Variants in CCSER1 observed in about 807,000 individuals in gnomAD.
CCSER1 encodes coiled-coil serine rich protein 1, also known as serine-rich coiled-coil domain-containing protein 1.
CCSER1 carries 41 observed loss-of-function variants against 82.0 expected under a neutral mutation model. That is an observed-to-expected ratio of 0.50 (90% CI 0.39 to 0.65). The LOEUF (loss-of-function observed/expected upper bound fraction) is 0.65, where lower values mean the gene tolerates loss of function less well. CCSER1 is among the 30% of genes least tolerant of loss of function. The pLI is 0.00. For missense variants in CCSER1, 1,119 were observed against 1,064.2 expected (o/e 1.05, Z -0.72); for synonymous variants, 414 against 383.9 (o/e 1.08, Z -0.92).
At chr4:90,234,155 A>T (rs535488752) in intron 1 of CCSER1, among the ~76,000 whole-genome samples, 40 of 152,006 alleles carry the variant, frequency 2.6e-4, no homozygotes, top group African/African-American at 9.6e-4. Context: ...GGGCAAAAAT[A>T]ATTGCTGAAA....
intron 5 of CCSER1, among the ~76,000 whole-genome samples, chr4:90,586,521 AT>A (rs1217687307): frequency 1.8e-4 from 27 of 152,322 alleles, no homozygotes; most frequent in African/African-American, 6.5e-4. Context: ...TCAAAGGATT[AT>A]TAAAAGTACT....
intron 10 of CCSER1, among the ~76,000 whole-genome samples, chr4:91,166,143 G>A (rs1209235857): frequency 2.0e-5 from 3 of 152,152 alleles, no homozygotes; most frequent in Non-Finnish European, 2.9e-5. Flanking sequence ...CAGAAGTGAG[G>A]CAATCTTTAA....
At chr4:90,410,605 G>A (rs1049809972) in intron 4 of CCSER1, among the ~76,000 whole-genome samples, 2 of 152,066 alleles carry the variant, frequency 1.3e-5, no homozygotes, top group African/African-American at 2.4e-5. Flanking sequence ...CAACATACGA[G>A]CATCTCTGGG....
At chr4:91,052,866 A>T (rs1743126030) in intron 9 of CCSER1, among the ~76,000 whole-genome samples, 1 of 152,132 alleles carries the variant, frequency 6.6e-6, no homozygotes, top group Non-Finnish European at 1.5e-5. Context: ...TTACATCTTT[A>T]TGTAGGGCAT....
intron 10 of CCSER1, among the ~76,000 whole-genome samples, chr4:91,176,044 C>T (rs1581711075): frequency 6.6e-6 from 1 of 152,214 alleles, no homozygotes; most frequent in African/African-American, 2.4e-5. Flanking sequence ...CTACATATGG[C>T]TAGCCAGTTT....
chr4:90,613,623 A>G (rs1212134316), intron 5 of CCSER1, among the ~76,000 whole-genome samples: 2 of 152,154 alleles, frequency 1.3e-5, no homozygotes, highest in African/African-American at 2.4e-5. Flanking sequence ...GCCTAAATTC[A>G]TCAGAAGAAT....
At chr4:90,989,691 T>C (rs926312119) in intron 9 of CCSER1, among the ~76,000 whole-genome samples, 13 of 151,808 alleles carry the variant, frequency 8.6e-5, no homozygotes, top group African/African-American at 3.1e-4. Context: ...ATGGAGATGT[T>C]TCCCATTCTG....
chr4:90,609,115 A>G (rs1438282504), intron 5 of CCSER1, among the ~76,000 whole-genome samples: 1 of 152,146 alleles, frequency 6.6e-6, no homozygotes, highest in South Asian at 2.1e-4. Flanking sequence ...GCAATTGACC[A>G]TAATAGAAGT....
intron 6 of CCSER1, among the ~76,000 whole-genome samples, chr4:90,692,388 C>T (rs1371594956): frequency 2.0e-5 from 3 of 151,784 alleles, no homozygotes; most frequent in Non-Finnish European, 2.9e-5. Context: ...CCCGTTTCAC[C>T]TCATGGTTTC....
intron 5 of CCSER1, among the ~76,000 whole-genome samples, chr4:90,481,694 G>C (rs978580507): frequency 3.9e-5 from 6 of 152,106 alleles, no homozygotes; most frequent in African/African-American, 7.2e-5. Flanking sequence ...GTATGTTGAA[G>C]CAGCCTTGCA....
At chr4:91,555,498 G>T (rs373390860) in intron 10 of CCSER1, among the ~76,000 whole-genome samples, 1 of 150,944 alleles carries the variant, frequency 6.6e-6, no homozygotes, top group African/African-American at 2.4e-5. Flanking sequence ...CTGATTAGTT[G>T]TATTAATTAT....
intron 10 of CCSER1, among the ~76,000 whole-genome samples, chr4:91,402,443 G>T (rs1315301844): frequency 1.3e-5 from 2 of 151,974 alleles, no homozygotes. Context: ...TGTTGCTTTT[G>T]GTATTTTAGA....
At chr4:90,715,818 A>AT (rs1561003510) in intron 6 of CCSER1, among the ~76,000 whole-genome samples, 1 of 152,036 alleles carries the variant, frequency 6.6e-6, no homozygotes, top group African/African-American at 2.4e-5. Context: ...TTACATTTGA[A>AT]TGTATCTTTC....
intron 1 of CCSER1, among the ~76,000 whole-genome samples, chr4:90,288,007 T>G (rs1392984346): frequency 6.6e-6 from 1 of 151,864 alleles, no homozygotes; most frequent in Non-Finnish European, 1.5e-5. Flanking sequence ...TTTCTTTCTC[T>G]CATCCCTCTA....
chr4:91,094,582 C>G (rs573725477), intron 10 of CCSER1, among the ~76,000 whole-genome samples: 1 of 152,258 alleles, frequency 6.6e-6, no homozygotes, highest in South Asian at 2.1e-4. Flanking sequence ...CAAAAGCTTT[C>G]AAGCATGTAA....
intron 3 of CCSER1, among the ~76,000 whole-genome samples, chr4:90,324,301 T>C (rs982848311): frequency 3.3e-5 from 5 of 151,616 alleles, no homozygotes; most frequent in Admixed American, 3.3e-4. Context: ...GTCAAAGTGT[T>C]CCTATTTCTC....
At chr4:91,471,644 G>A (rs1244482806) in intron 10 of CCSER1, among the ~76,000 whole-genome samples, 1 of 152,114 alleles carries the variant, frequency 6.6e-6, no homozygotes, top group East Asian at 1.9e-4. Context: ...ACTGACTGAG[G>A]AGGATTTCAG....
chr4:90,850,568 T>C (rs1763756371), intron 8 of CCSER1, among the ~76,000 whole-genome samples: 1 of 152,206 alleles, frequency 6.6e-6, no homozygotes, highest in Non-Finnish European at 1.5e-5. Flanking sequence ...AACTTTAAGG[T>C]TTAATGACTG....
intron 9 of CCSER1, among the ~76,000 whole-genome samples, chr4:90,940,541 G>T (rs995279812): frequency 1.9e-4 from 29 of 151,988 alleles, no homozygotes; most frequent in African/African-American, 7.0e-4. Flanking sequence ...GGGATTAACG[G>T]GGATGTTGTT....
Sources: gnomAD v4.1 joint callset for allele counts (sites outside exome capture counted in the v4.1 genomes callset) on GRCh38, gnomAD v4.1.1 for gene constraint, MANE v1.5 for transcripts, NCBI Gene and HGNC (gene_info 2026-07-23, HGNC 2026-07-21) for gene names.